DDHD1: variants seen among roughly 807,000 people sequenced by gnomAD.
DDHD1 encodes the protein DDHD domain containing 1.
DDHD1 carries 49 observed loss-of-function variants against 96.4 expected under a neutral mutation model. That is an observed-to-expected ratio of 0.51 (90% CI 0.40 to 0.64). The LOEUF (loss-of-function observed/expected upper bound fraction) is 0.64. DDHD1 is among the 30% of genes least tolerant of loss of function. The pLI, the probability that DDHD1 is intolerant of heterozygous loss-of-function variation, is 0.00. For missense variants in DDHD1, 1,106 were observed against 1,161.2 expected (o/e 0.95, Z 0.69); for synonymous variants, 442 against 446.5 (o/e 0.99, Z 0.13).
chr14:53,112,863 C>T (rs1238210725), intron 1 of DDHD1, among the ~76,000 whole-genome samples: 1 of 152,088 alleles, frequency 6.6e-6, no homozygotes, highest in African/African-American at 2.4e-5. Flanking sequence ...GCATGCTATT[C>T]ATGATACTGA....
intron 1 of DDHD1, among the ~76,000 whole-genome samples, chr14:53,108,575 C>A (rs1887874268): frequency 6.6e-6 from 1 of 152,158 alleles, no homozygotes; most frequent in African/African-American, 2.4e-5. Context: ...AACCAAAAAA[C>A]AAAAACAATT....
rs1886875822 is a variant in DDHD1, at chr14:53,096,236, C to T, written c.1013-2792G>A. 4.1e-6 allele frequency: 4 copies of T among 965,682 alleles called. No individual in the cohort carries two copies. The South Asian group carries it at 1.9e-4, about 46-fold the overall frequency. The allele number at this position is 965,682 out of a possible 1,614,324, so 59.8% of individuals were successfully genotyped here. A position where few individuals can be genotyped will look rare whatever the true frequency, so the allele number is the denominator to read the frequency against. ...GTAGACAACTAAGAAAGCAAAAACA[C>T]TGAGCTTCAAAGTAAATTTTAAATG... On this transcript the variant is annotated intron_variant, in intron 2 of 12. Coordinates refer to ENST00000673822, the MANE Select transcript of DDHD1 (RefSeq NM_001160148.2).
chr14:53,063,638 C>T (rs1883785224), intron 6 of DDHD1, among the ~76,000 whole-genome samples: 1 of 151,892 alleles, frequency 6.6e-6, no homozygotes, highest in Non-Finnish European at 1.5e-5. Flanking sequence ...AGTATCTGGG[C>T]TTATGATAAT....
chr14:53,049,768 A>G (rs1882376458), intron 12 of DDHD1, among the ~76,000 whole-genome samples: 1 of 152,172 alleles, frequency 6.6e-6, no homozygotes, highest in Non-Finnish European at 1.5e-5. Context: ...AGGTTTCTGA[A>G]CAGTTGAAGA....
chr14:53,118,430 T>C (rs1239410896), intron 1 of DDHD1, among the ~76,000 whole-genome samples: 1 of 152,076 alleles, frequency 6.6e-6, no homozygotes, highest in African/African-American at 2.4e-5. Context: ...ATTAGATGAA[T>C]GGCTAACAAG....
rs1489107894 is a variant in DDHD1, at chr14:53,091,990, A to G, written c.1142-58T>C. 2.0e-6 allele frequency: 3 copies of G among 1,503,760 alleles called. No individual in the cohort carries two copies. In the African/African-American group the frequency reaches 4.2e-5, roughly 21 times the overall value. 93.2% of individuals were successfully genotyped at this position (1,503,760 alleles called of 1,614,324 possible). The stretch of plus-strand genomic sequence containing the variant: ...TTAATCTGAGAAATAGCATTTCCAC[A>G]ATATGTTAAAAGAAAAAAAAGAAGT... On this transcript the variant is annotated intron_variant, in intron 3 of 12. Transcript: ENST00000673822.
intron 4 of DDHD1, among the ~76,000 whole-genome samples, chr14:53,089,864 T>C (rs934159542): frequency 2.6e-5 from 4 of 152,102 alleles, no homozygotes; most frequent in Non-Finnish European, 4.4e-5. Flanking sequence ...AAAGCCAAAA[T>C]TGACAAAAGG....
At chr14:53,120,314 G>GA (rs1365107044) in intron 1 of DDHD1, among the ~76,000 whole-genome samples, 1 of 151,982 alleles carries the variant, frequency 6.6e-6, no homozygotes, top group African/African-American at 2.4e-5. Flanking sequence ...CAAATAAATG[G>GA]AAAAAAATTC....
At position 53,153,134 on chromosome 14, in the gene DDHD1, G is replaced by T; in HGVS notation, c.-36C>A. The T allele has an allele frequency of 7.3e-7, 1 of 1,362,954 alleles. No individual in the cohort carries two copies. Among genetic ancestry groups the T allele is most frequent in the Non-Finnish European group, 9.4e-7 (1 of 1,066,310 alleles). 84.4% of individuals were successfully genotyped at this position (1,362,954 alleles called of 1,614,324 possible). Reference sequence around the variant, plus strand: ...CGCCGCCGGCTGTCCGGCGGCGCGCGGAGCCGTGACCCCCAGCGCTTCCGC... The same window carrying T: ...CGCCGCCGGCTGTCCGGCGGCGCGCTGAGCCGTGACCCCCAGCGCTTCCGC... On this transcript the variant is annotated 5_prime_UTR_variant, in exon 1 of 13. Transcript: ENST00000673822.
Position 53,146,371 on chromosome 14 carries a change from G to A in DDHD1, c.838+5890C>T, listed in dbSNP as rs1890981503. Among the ~76,000 whole-genome samples the A allele has an allele frequency of 4.6e-5, 7 of 151,008 alleles. 1 individual carries two copies. Among genetic ancestry groups the A allele is most frequent in the Admixed American group, 4.6e-4 (7 of 15,118 alleles). On this transcript the variant is annotated intron_variant, in intron 1 of 12. Transcript: ENST00000673822. ...ATATAAAAATCAGCCAGGCATGGTG[G>A]CACATGCCTGTACTCCCAGCTACTA...
In DDHD1 at chr14:53,036,865, C is replaced by T. The variant is rs1461984309; in HGVS notation, c.*9903G>A. 1 of 152,088 alleles carries T rather than the reference C, an allele frequency of 6.6e-6. No individual in the cohort carries two copies. The highest frequency in any genetic ancestry group is 6.6e-5 in the Admixed American group (1 of 15,248). 9.4% of individuals were successfully genotyped at this position (152,088 alleles called of 1,614,324 possible). A position where few individuals can be genotyped will look rare whatever the true frequency, so the allele number is the denominator to read the frequency against. ...TTGTGTGATGCTGAGGTTTGAGGTA[C>T]AGATCCCATCACCCAGGTAGTGAGC... On this transcript the variant is annotated 3_prime_UTR_variant, in exon 13 of 13. Transcript: ENST00000673822.
At chr14:53,106,861 G>A (rs958260082) in intron 1 of DDHD1, among the ~76,000 whole-genome samples, 2 of 152,176 alleles carry the variant, frequency 1.3e-5, no homozygotes, top group Non-Finnish European at 2.9e-5. Flanking sequence ...TCTGAAAAGT[G>A]TTGAGTTATG....
intron 6 of DDHD1, among the ~76,000 whole-genome samples, chr14:53,069,769 T>C (rs1884356900): frequency 6.6e-6 from 1 of 152,098 alleles, no homozygotes; most frequent in Admixed American, 6.6e-5. Flanking sequence ...ACCCCCGCCC[T>C]GGGTTTATTT....
At chr14:53,143,262 T>C (rs755565913) in intron 1 of DDHD1, among the ~76,000 whole-genome samples, 5 of 152,216 alleles carry the variant, frequency 3.3e-5, no homozygotes, top group African/African-American at 4.8e-5. Flanking sequence ...CCAGTAAGAA[T>C]TGAAATGGAG....
chr14:53,077,680 TTA>T (rs1491175190), intron 4 of DDHD1, among the ~76,000 whole-genome samples: 6 of 150,834 alleles, frequency 4.0e-5, no homozygotes, highest in Admixed American at 3.3e-4. Flanking sequence ...TTTTTTTTTT[TTA>T]AAAAACAATT....
chr14:53,068,250 T>TTTTTC (rs1263366212), intron 6 of DDHD1, among the ~76,000 whole-genome samples: 2 of 144,508 alleles, frequency 1.4e-5, no homozygotes, highest in African/African-American at 5.1e-5. Context: ...ATACTTTTTT[T>TTTTTC]TTTTTTTTTT....
At chr14:53,067,150 C>A (rs978736095) in intron 6 of DDHD1, among the ~76,000 whole-genome samples, 13 of 150,604 alleles carry the variant, frequency 8.6e-5, no homozygotes, top group African/African-American at 3.2e-4. Flanking sequence ...GGAAACTATT[C>A]CTTTTCTTTT....
intron 9 of DDHD1, among the ~76,000 whole-genome samples, chr14:53,058,193 G>C (rs553092334): frequency 6.6e-6 from 1 of 152,200 alleles, no homozygotes; most frequent in East Asian, 1.9e-4. Flanking sequence ...CTGGAGTGCA[G>C]TGGCATGATC....
At chr14:53,129,979 G>A (rs73296153) in intron 1 of DDHD1, among the ~76,000 whole-genome samples, 2,390 of 152,244 alleles carry the variant, frequency 0.016, 57 homozygotes, top group African/African-American at 0.055. Flanking sequence ...CTCGCAATGC[G>A]ACTCGTCGCA....
Sources: gnomAD v4.1 joint callset for allele counts (sites outside exome capture counted in the v4.1 genomes callset) on GRCh38, gnomAD v4.1.1 for gene constraint, MANE v1.5 for transcripts, NCBI Gene and HGNC (gene_info 2026-07-23, HGNC 2026-07-21) for gene names.